The following INSYN2A variants were observed in gnomAD, a reference collection of about 807,000 sequenced individuals.
INSYN2A encodes the protein family with sequence similarity 196 member A.
A neutral mutation model predicts 39.4 loss-of-function variants in INSYN2A; 17 were observed. The observed-to-expected ratio is 0.43, with a 90% confidence interval of 0.30 to 0.65. The LOEUF (loss-of-function observed/expected upper bound fraction) is 0.65. INSYN2A is among the 30% of genes least tolerant of loss of function. The pLI is 0.14. For missense variants in INSYN2A, 595 were observed against 631.2 expected, an observed-to-expected ratio of 0.94 and a Z score of 0.61; for synonymous variants, 255 against 265.7, an observed-to-expected ratio of 0.96 and a Z score of 0.39.
Position 127,176,482 on chromosome 10 carries a change from A to C in INSYN2A, c.-5-82T>G. The C allele has an allele frequency of 1.8e-6, 2 of 1,127,954 alleles. No individual in the cohort carries two copies. Among genetic ancestry groups the C allele is most frequent in the Non-Finnish European group, 2.5e-6 (2 of 793,196 alleles). 69.9% of individuals were successfully genotyped at this position (1,127,954 alleles called of 1,614,324 possible). On this transcript the variant is annotated intron_variant, in intron 3 of 5. Transcript: ENST00000522781. The surrounding 1 kb of genome is among the most constrained non-coding windows in gnomAD (Gnocchi z 4.4). ...CCGGCCGCACAAACTTTTAGCCACC[A>C]CGACGACTGCCTGTTTCCTAATTAT...
intron 2 of INSYN2A, among the ~76,000 whole-genome samples, chr10:127,182,610 A>C (rs2055843462): frequency 1.3e-5 from 2 of 152,200 alleles, no homozygotes; most frequent in Non-Finnish European, 2.9e-5. Flanking sequence ...CAACTGGAAA[A>C]TATGCCTCCT....
intron 5 of INSYN2A, among the ~76,000 whole-genome samples, chr10:127,149,408 T>C (rs577305775): frequency 6.6e-6 from 1 of 152,326 alleles, no homozygotes; most frequent in South Asian, 2.1e-4. Flanking sequence ...TTGATGCTTT[T>C]CCCTAGTCCT....
At chr10:127,145,022 C>T (rs768240938) in intron 5 of INSYN2A, among the ~76,000 whole-genome samples, 9 of 152,148 alleles carry the variant, frequency 5.9e-5, no homozygotes, top group South Asian at 2.1e-4. Flanking sequence ...TAGAGTTAGA[C>T]GATGAGCTGA....
intron 5 of INSYN2A, among the ~76,000 whole-genome samples, chr10:127,143,866 G>A (rs531007481): frequency 3.3e-5 from 5 of 152,182 alleles, no homozygotes; most frequent in African/African-American, 4.8e-5. Flanking sequence ...ACACATCTCC[G>A]TGTGCATATC....
intron 5 of INSYN2A, among the ~76,000 whole-genome samples, chr10:127,150,772 A>G (rs149457491): frequency 2.0e-5 from 3 of 152,242 alleles, no homozygotes; most frequent in African/African-American, 7.2e-5. Flanking sequence ...TATTCAATGA[A>G]AAAGGTAGAG....
intron 4 of INSYN2A, among the ~76,000 whole-genome samples, chr10:127,164,535 A>G (rs2053909577): frequency 6.6e-6 from 1 of 152,074 alleles, no homozygotes; most frequent in Non-Finnish European, 1.5e-5. Context: ...AGCAACTTGT[A>G]TGCTTCCTTT....
intron 4 of INSYN2A, among the ~76,000 whole-genome samples, chr10:127,169,748 C>A (rs2133813873): frequency 6.6e-6 from 1 of 152,244 alleles, no homozygotes; most frequent in Middle Eastern, 3.4e-3. Context: ...TGACCCTGAG[C>A]CCCTGCAGTA....
intron 4 of INSYN2A, among the ~76,000 whole-genome samples, chr10:127,156,798 C>A (rs1481388097): frequency 6.6e-6 from 1 of 152,056 alleles, no homozygotes; most frequent in Non-Finnish European, 1.5e-5. Flanking sequence ...GAACTCCCAA[C>A]CTCAAGTGAT....
At chr10:127,194,182 C>A (rs11592201) in intron 1 of INSYN2A, among the ~76,000 whole-genome samples, 20,721 of 152,236 alleles carry the variant, frequency 0.14, 1,770 homozygotes, top group South Asian at 0.22. Flanking sequence ...CAAAACTCTC[C>A]ATGGCTAATG....
intron 5 of INSYN2A, among the ~76,000 whole-genome samples, chr10:127,146,730 T>C (rs1300084157): frequency 2.0e-5 from 3 of 152,140 alleles, no homozygotes; most frequent in African/African-American, 7.2e-5. Flanking sequence ...GTGGTGGTCA[T>C]TGAAGCAGGG....
chr10:127,142,972 A>C (rs2133318569), intron 5 of INSYN2A, among the ~76,000 whole-genome samples: 1 of 152,198 alleles, frequency 6.6e-6, no homozygotes, highest in Non-Finnish European at 1.5e-5. Context: ...CCTGCACCTA[A>C]GCTTTATTTT....
intron 4 of INSYN2A, among the ~76,000 whole-genome samples, chr10:127,155,527 G>A (rs751727624): frequency 6.6e-6 from 1 of 152,064 alleles, no homozygotes; most frequent in African/African-American, 2.4e-5. Context: ...CCGTTCTCCC[G>A]TTGGCTTTGT....
chr10:127,145,841 C>T, intron 5 of INSYN2A: 1 of 355,860 alleles, frequency 2.8e-6, no homozygotes, highest in East Asian at 8.6e-5. Flanking sequence ...TCTCATCACA[C>T]ACGGAAACCA....
chr10:127,168,608 T>C (rs1443949303), intron 4 of INSYN2A, among the ~76,000 whole-genome samples: 1 of 152,248 alleles, frequency 6.6e-6, no homozygotes, highest in African/African-American at 2.4e-5. Context: ...CATTCTCAGC[T>C]AACCAGGTGG....
At chr10:127,148,124 C>T (rs904407423) in intron 5 of INSYN2A, among the ~76,000 whole-genome samples, 18 of 151,544 alleles carry the variant, frequency 1.2e-4, no homozygotes, top group African/African-American at 3.6e-4. Context: ...CACAGCAATG[C>T]GTTTCACAAG....
In INSYN2A at chr10:127,175,996, C is replaced by T; in HGVS notation, c.400G>A (p.Asp134Asn). The T allele has an allele frequency of 6.2e-7, 1 of 1,614,198 alleles. No homozygotes were observed. Among genetic ancestry groups the T allele is most frequent in the Admixed American group, 1.7e-5 (1 of 60,030 alleles). Reference sequence around the variant, plus strand: ...CCATTGTTTTGGCTTTTAAAGGGATCTGCAGCTGGGAGGCTTTTGAGGTTC... The same window carrying T: ...CCATTGTTTTGGCTTTTAAAGGGATTTGCAGCTGGGAGGCTTTTGAGGTTC... ...KGNLKSLPAA[D>N]PFKSQNNGFL... Residue 134 changes from aspartate (D) to asparagine (N), a missense_variant, in exon 4 of 6, where the codon GAT becomes AAT. Asp to Asn is a conservative substitution (Grantham distance 23). Coordinates refer to ENST00000522781, the MANE Select transcript of INSYN2A (RefSeq NM_001039762.3). The surrounding 1 kb of genome is among the most constrained non-coding windows in gnomAD (Gnocchi z 6.3).
At chr10:127,166,290 C>T (rs994319130) in intron 4 of INSYN2A, among the ~76,000 whole-genome samples, 2 of 152,124 alleles carry the variant, frequency 1.3e-5, no homozygotes, top group African/African-American at 2.4e-5. Context: ...TGGTCTCGAT[C>T]TCCTGACCTC....
At chr10:127,165,300 G>A (rs1262199571) in intron 4 of INSYN2A, among the ~76,000 whole-genome samples, 1 of 152,066 alleles carries the variant, frequency 6.6e-6, no homozygotes, top group East Asian at 1.9e-4. Context: ...TTAGTGCTTT[G>A]TTTCAAAAGC....
intron 2 of INSYN2A, among the ~76,000 whole-genome samples, chr10:127,181,666 T>C (rs2055748007): frequency 6.6e-6 from 1 of 152,318 alleles, no homozygotes; most frequent in East Asian, 1.9e-4. Flanking sequence ...TTCTTCCATA[T>C]GCCAAGGGGG....
Sources: gnomAD v4.1 joint callset for allele counts (sites outside exome capture counted in the v4.1 genomes callset) on GRCh38, gnomAD v4.1.1 for gene constraint, Gnocchi (gnomAD v3.1) non-coding constraint, MANE v1.5 for transcripts, NCBI Gene and HGNC (gene_info 2026-07-23, HGNC 2026-07-21) for gene names.